Variants in ULK4 observed in about 807,000 individuals in gnomAD.
ULK4 encodes inactive serine/threonine-protein kinase ULK4.
ULK4 carries 133 observed loss-of-function variants against 160.6 expected under a neutral mutation model. The ratio of observed to expected loss-of-function variants is 0.83; its 90% CI spans 0.72 to 0.96. The LOEUF (loss-of-function observed/expected upper bound fraction) is 0.96. ULK4 is among the 40% of genes least tolerant of loss of function. ULK4 has a pLI of 0.00. For missense variants in ULK4, 1,580 were observed against 1,499.5 expected, an observed-to-expected ratio of 1.05 and a Z score of -0.89; for synonymous variants, 534 against 539.8, an observed-to-expected ratio of 0.99 and a Z score of 0.15.
chr3:41,732,187 G>C (rs1373098040), intron 22 of ULK4, among the ~76,000 whole-genome samples: 1 of 151,912 alleles, frequency 6.6e-6, no homozygotes, highest in Non-Finnish European at 1.5e-5. Context: ...GAACAGACAG[G>C]CTACAGAATG....
chr3:41,595,895 C>T (rs2031655497), intron 31 of ULK4, among the ~76,000 whole-genome samples: 1 of 152,140 alleles, frequency 6.6e-6, no homozygotes. Context: ...GTAGCTGTGA[C>T]ACTGATCAGA....
chr3:41,393,185 C>T (rs924715629), intron 35 of ULK4, among the ~76,000 whole-genome samples: 1 of 152,186 alleles, frequency 6.6e-6, no homozygotes, highest in African/African-American at 2.4e-5. Flanking sequence ...ATTTTATGAA[C>T]ATTCCTTATT....
chr3:41,384,948 G>A (rs904163635), intron 35 of ULK4, among the ~76,000 whole-genome samples: 12 of 151,976 alleles, frequency 7.9e-5, no homozygotes, highest in Non-Finnish European at 1.6e-4. Flanking sequence ...CCAGCTACTC[G>A]GAAGGCTGAG....
intron 17 of ULK4, among the ~76,000 whole-genome samples, chr3:41,841,265 T>A (rs2041917905): frequency 7.1e-6 from 1 of 140,564 alleles, no homozygotes; most frequent in South Asian, 2.4e-4. Context: ...GGGGAGCGCC[T>A]CTGCCTGGCC....
At chr3:41,305,526 A>G (rs2079892461) in intron 35 of ULK4, among the ~76,000 whole-genome samples, 2 of 152,312 alleles carry the variant, frequency 1.3e-5, no homozygotes, top group South Asian at 4.1e-4. Flanking sequence ...TCAGTGCTCA[A>G]TGTTGCCCAG....
At chr3:41,352,357 T>C (rs1033290876) in intron 35 of ULK4, among the ~76,000 whole-genome samples, 2 of 152,218 alleles carry the variant, frequency 1.3e-5, no homozygotes, top group African/African-American at 4.8e-5. Flanking sequence ...CCTTTATCTT[T>C]AAGGCACCAC....
intron 18 of ULK4, 122 bp from the exon 19 acceptor site, chr3:41,819,628 G>T (rs903498343): frequency 4.1e-6 from 3 of 739,978 alleles, no homozygotes; most frequent in African/African-American, 1.8e-5. Context: ...TCTATTTAAA[G>T]TATTACTTAC....
At chr3:41,696,605 C>T (rs1226443177) in intron 27 of ULK4, among the ~76,000 whole-genome samples, 1 of 152,158 alleles carries the variant, frequency 6.6e-6, no homozygotes, top group Non-Finnish European at 1.5e-5. Context: ...TGTCTTATGT[C>T]TTTATTTCTA....
At chr3:41,523,014 C>T (rs1266272024) in intron 32 of ULK4, among the ~76,000 whole-genome samples, 1 of 152,124 alleles carries the variant, frequency 6.6e-6, no homozygotes, top group Non-Finnish European at 1.5e-5. Flanking sequence ...CAGGTTCAAG[C>T]GATTCTGCCT....
chr3:41,688,400 TAAAC>T (rs2036169814), intron 27 of ULK4, among the ~76,000 whole-genome samples: 2 of 152,060 alleles, frequency 1.3e-5, no homozygotes, highest in Admixed American at 6.5e-5. Context: ...AAAAAATGAA[TAAAC>T]AAACAAATAG....
At chr3:41,528,504 G>A (rs1167921593) in intron 32 of ULK4, among the ~76,000 whole-genome samples, 1 of 152,118 alleles carries the variant, frequency 6.6e-6, no homozygotes, top group African/African-American at 2.4e-5. Flanking sequence ...TTTACCTGCC[G>A]AGTACCTAGA....
chr3:41,644,490 T>C (rs2034385865), intron 30 of ULK4, among the ~76,000 whole-genome samples: 1 of 152,254 alleles, frequency 6.6e-6, no homozygotes, highest in Non-Finnish European at 1.5e-5. Context: ...TATGTTGGAT[T>C]ACATTTATTG....
intron 21 of ULK4, among the ~76,000 whole-genome samples, chr3:41,762,181 G>A (rs796321193): frequency 5.9e-5 from 9 of 152,054 alleles, no homozygotes; most frequent in African/African-American, 1.4e-4. Context: ...TAAACAAACC[G>A]TAAGAGAAAA....
At chr3:41,550,325 C>T (rs2087013268) in intron 32 of ULK4, among the ~76,000 whole-genome samples, 1 of 151,914 alleles carries the variant, frequency 6.6e-6, no homozygotes, top group African/African-American at 2.4e-5. Flanking sequence ...GATTAAACTC[C>T]CCACTTAAAA....
At chr3:41,781,665 G>A (rs1455745039) in intron 21 of ULK4, among the ~76,000 whole-genome samples, 3 of 152,356 alleles carry the variant, frequency 2.0e-5, no homozygotes, top group Non-Finnish European at 1.5e-5. Context: ...ATGGTCACGT[G>A]CAGTGGCTCA....
intron 12 of ULK4, among the ~76,000 whole-genome samples, chr3:41,904,244 G>A (rs776887336): frequency 1.1e-4 from 17 of 151,974 alleles, no homozygotes; most frequent in Non-Finnish European, 1.6e-4. Flanking sequence ...ACCAGCCTGG[G>A]CAACATGGGG....
rs376040578 is a variant in ULK4, at chr3:41,752,981, G to A, written c.2321+1380C>T. ...TAATCCTAGCACTTTGGGAAGCTGA[G>A]GCAAGAGAATCACTCAAGCCCAGCA... On this transcript the variant is annotated intron_variant, in intron 22 of 36. Transcript: ENST00000301831. Among the ~76,000 whole-genome samples the A allele has an allele frequency of 5.3e-4, 80 of 152,304 alleles. 3 individuals are homozygous for A. In the South Asian group the frequency reaches 0.016, roughly 31 times the overall value.
chr3:41,650,527 G>A (rs762621399), intron 30 of ULK4, among the ~76,000 whole-genome samples: 4 of 152,194 alleles, frequency 2.6e-5, no homozygotes, highest in South Asian at 2.1e-4. Flanking sequence ...CTCGCACAGC[G>A]CTGGCACTTG....
At chr3:41,639,288 C>T (rs2034087948) in intron 30 of ULK4, among the ~76,000 whole-genome samples, 1 of 152,176 alleles carries the variant, frequency 6.6e-6, no homozygotes. Flanking sequence ...TTCTTGTTGC[C>T]ACTGTCTTCA....
Sources: gnomAD v4.1 joint callset for allele counts (sites outside exome capture counted in the v4.1 genomes callset) on GRCh38, gnomAD v4.1.1 for gene constraint, MANE v1.5 for transcripts, NCBI Gene and HGNC (gene_info 2026-07-23, HGNC 2026-07-21) for gene names.